The following ZFYVE1 variants were observed in gnomAD, a reference collection of about 807,000 sequenced individuals.
ZFYVE1 encodes zinc finger FYVE-type containing 1.
ZFYVE1 carries 30 observed loss-of-function variants against 74.4 expected under a neutral mutation model. The observed-to-expected ratio is 0.40, with a 90% confidence interval of 0.30 to 0.55. ZFYVE1 has a LOEUF of 0.55. ZFYVE1 is among the 20% of genes least tolerant of loss of function. The probability of loss-of-function intolerance (pLI) is 0.42; values close to 1 mark genes in which losing one functional copy is unlikely to be tolerated. For synonymous variants in ZFYVE1, 335 were observed against 385.1 expected (o/e 0.87, Z 1.52); for missense variants, 703 against 1,011.6 (o/e 0.69, Z 4.14).
chr14:73,006,709 C>CTTTTTTT (rs35364666), intron 2 of ZFYVE1, among the ~76,000 whole-genome samples: 11 of 77,642 alleles, frequency 1.4e-4, no homozygotes, highest in Non-Finnish European at 2.7e-4. Context: ...ACCCCAGTTC[C>CTTTTTTT]TTTTTTTTTT....
At position 72,969,855 on chromosome 14, in the gene ZFYVE1, A is replaced by AGTTTTT. The variant is rs1892984733; in HGVS notation, c.*1026_*1027insAAAAAC. Reference sequence around the variant, plus strand: ...TGTTGAAATATTTATATAGACTTTTAAAAACAACTAACAGTTCATCCTGTG... The same window carrying AGTTTTT: ...TGTTGAAATATTTATATAGACTTTTAGTTTTTAAAACAACTAACAGTTCATCCTGTG... On this transcript the variant is annotated 3_prime_UTR_variant, in exon 12 of 12. Coordinates refer to ENST00000556143, the MANE Select transcript of ZFYVE1 (RefSeq NM_021260.4). 7 of 646,796 alleles carry AGTTTTT rather than the reference A, an allele frequency of 1.1e-5. No individual in the cohort carries two copies. In the East Asian group the frequency reaches 1.9e-4, roughly 18 times the overall value. 40.1% of individuals were successfully genotyped at this position (646,796 alleles called of 1,614,324 possible).
At position 72,975,911 on chromosome 14, in the gene ZFYVE1, G is replaced by GA. The variant is rs201304091; in HGVS notation, c.1636-191_1636-190insT. ...CTTCAAAGTGACCATAAGACTTGATGTGTAGCTGTTCAATTCAGGACTTAC... is the reference window on the plus strand; with the variant it reads ...CTTCAAAGTGACCATAAGACTTGATGATGTAGCTGTTCAATTCAGGACTTAC... On this transcript the variant is annotated intron_variant, in intron 8 of 11. Coordinates refer to ENST00000556143, the MANE Select transcript of ZFYVE1 (RefSeq NM_021260.4). This position sits in a 1 kb window ranked among gnomAD's most constrained non-coding sequence, Gnocchi z 4.1. The GA allele has an allele frequency of 1.5e-6, 1 of 648,982 alleles. No individual in the cohort carries two copies. Among genetic ancestry groups the GA allele is most frequent in the Non-Finnish European group, 2.6e-6 (1 of 388,974 alleles). 40.2% of individuals were successfully genotyped at this position (648,982 alleles called of 1,614,324 possible).
In ZFYVE1 at chr14:72,994,322, CAAAAAAAAAA is replaced by C. The variant is rs71109776; in HGVS notation, c.989-975_989-966del. On this transcript the variant is annotated intron_variant, in intron 3 of 11. Coordinates refer to ENST00000556143, the MANE Select transcript of ZFYVE1 (RefSeq NM_021260.4). ...TGGGAGACAGAGCGAGACGCTGTCTCAAAAAAAAAAAAAAAAAAAAAAAAAAAGTAAGATA... is the reference window on the plus strand; with the variant it reads ...TGGGAGACAGAGCGAGACGCTGTCTCAAAAAAAAAAAAAAAAAGTAAGATA... Among the ~76,000 whole-genome samples the C allele has an allele frequency of 4.5e-3, 140 of 31,138 alleles. 2 individuals are homozygous for C. Among genetic ancestry groups the C allele is most frequent in the Non-Finnish European group, 6.2e-3 (109 of 17,686 alleles). The allele number at this position is 31,138 out of a possible 152,430, so 20.4% of individuals were successfully genotyped here. A position where few individuals can be genotyped will look rare whatever the true frequency, so the allele number is the denominator to read the frequency against.
At chr14:73,003,946 A>G (rs574997633) in intron 2 of ZFYVE1, among the ~76,000 whole-genome samples, 2 of 152,280 alleles carry the variant, frequency 1.3e-5, no homozygotes, top group Admixed American at 1.3e-4. Context: ...TGAGTGAATG[A>G]GTGAGTGAAT....
chr14:73,024,819 G>A lies in ZFYVE1; in HGVS notation c.-311C>T. 3.5e-6 allele frequency: 1 copy of A among 287,486 alleles called. No individual in the cohort carries two copies. Among genetic ancestry groups the A allele is most frequent in the Non-Finnish European group, 6.5e-6 (1 of 153,814 alleles). The allele number at this position is 287,486 out of a possible 1,614,324, so 17.8% of individuals were successfully genotyped here. On this transcript the variant is annotated 5_prime_UTR_variant, in exon 2 of 12. Transcript: ENST00000556143. ...GGTCTTTTATGGCTATCTGAGAGAGGTCTGATGGGTTCACGGTGGTGGGTT... is the reference window on the plus strand; with the variant it reads ...GGTCTTTTATGGCTATCTGAGAGAGATCTGATGGGTTCACGGTGGTGGGTT...
rs764363560 is a variant in ZFYVE1, at chr14:73,024,796, T to TC, written c.-289dup. The TC allele has an allele frequency of 3.0e-5, 10 of 337,800 alleles. No homozygotes were observed. The highest frequency in any genetic ancestry group is 4.8e-5 in the Non-Finnish European group (9 of 186,632). 20.9% of individuals were successfully genotyped at this position (337,800 alleles called of 1,614,324 possible). A position where few individuals can be genotyped will look rare whatever the true frequency, so the allele number is the denominator to read the frequency against. ...TGTGGTCAAAATTGACTTGGAAGGG[T>TC]CTTTTATGGCTATCTGAGAGAGGTC... On this transcript the variant is annotated 5_prime_UTR_variant, in exon 2 of 12. Coordinates refer to ENST00000556143, the MANE Select transcript of ZFYVE1 (RefSeq NM_021260.4).
chr14:72,996,418 C>G (rs980575488), intron 3 of ZFYVE1, among the ~76,000 whole-genome samples: 1 of 152,020 alleles, frequency 6.6e-6, no homozygotes, highest in Non-Finnish European at 1.5e-5. Flanking sequence ...TTTTTTGAGA[C>G]AGGGTCTCAC....
chr14:73,021,256 G>A (rs748326694), intron 2 of ZFYVE1, among the ~76,000 whole-genome samples: 1 of 152,104 alleles, frequency 6.6e-6, no homozygotes, highest in East Asian at 1.9e-4. Context: ...GCTGAGGCAG[G>A]AGAATCGCTT....
intron 2 of ZFYVE1, among the ~76,000 whole-genome samples, chr14:73,017,453 T>C (rs1310626384): frequency 6.6e-6 from 1 of 152,244 alleles, no homozygotes; most frequent in Admixed American, 6.5e-5. Context: ...TCGCTCCTGA[T>C]TGACAACCAC....
chr14:72,971,400 G>A (rs550973529), intron 11 of ZFYVE1, among the ~76,000 whole-genome samples: 3 of 152,104 alleles, frequency 2.0e-5, no homozygotes, highest in South Asian at 2.1e-4. Flanking sequence ...GCAGTATCAC[G>A]ATTTCGGCTC....
At chr14:72,979,531 G>A (rs1343608639) in intron 5 of ZFYVE1, among the ~76,000 whole-genome samples, 1 of 151,562 alleles carries the variant, frequency 6.6e-6, no homozygotes. Flanking sequence ...GCTCATGCCT[G>A]TAATCCCAGC....
intron 2 of ZFYVE1, among the ~76,000 whole-genome samples, chr14:73,014,159 T>C (rs957445678): frequency 5.9e-5 from 9 of 152,192 alleles, no homozygotes; most frequent in South Asian, 4.1e-4. Context: ...ACAGGTTCTC[T>C]AGAAAGCTGA....
At chr14:73,002,184 T>C (rs1893886761) in intron 2 of ZFYVE1, among the ~76,000 whole-genome samples, 1 of 152,048 alleles carries the variant, frequency 6.6e-6, no homozygotes, top group African/African-American at 2.4e-5. Flanking sequence ...AAAGACCACA[T>C]AGTGTACGAC....
chr14:73,006,343 G>C (rs1205732280), intron 2 of ZFYVE1, among the ~76,000 whole-genome samples: 1 of 152,054 alleles, frequency 6.6e-6, no homozygotes, highest in African/African-American at 2.4e-5. Context: ...GGGAGGCCTA[G>C]GAAGGTTGAT....
chr14:73,025,358 C>T (rs1205797709), intron 1 of ZFYVE1, among the ~76,000 whole-genome samples: 12 of 151,818 alleles, frequency 7.9e-5, no homozygotes, highest in Non-Finnish European at 1.8e-4. Context: ...CGTGAGTCAC[C>T]GCACCTGGCC....
At chr14:73,003,478 A>C (rs1349604434) in intron 2 of ZFYVE1, among the ~76,000 whole-genome samples, 1 of 152,192 alleles carries the variant, frequency 6.6e-6, no homozygotes, top group Non-Finnish European at 1.5e-5. Context: ...TTGGGAGGCC[A>C]AGACGGGAGG....
Position 72,978,566 on chromosome 14 carries a change from C to CAA in ZFYVE1, c.1419+293_1419+294dup, listed in dbSNP as rs58858186. 7.0e-3 allele frequency among the ~76,000 whole-genome samples: 356 copies of CAA among 50,958 alleles called. 22 individuals are homozygous for CAA. The highest frequency in any genetic ancestry group is 0.014 in the African/African-American group (152 of 10,546). The allele number at this position is 50,958 out of a possible 152,430, so 33.4% of individuals were successfully genotyped here. Reference sequence around the variant, plus strand: ...TGGCTGACAGAGCAAGACTCTGTCTCAAAAAAAAAAAAAAAAAAAAAAAAA... The same window carrying CAA: ...TGGCTGACAGAGCAAGACTCTGTCTCAAAAAAAAAAAAAAAAAAAAAAAAAAA... On this transcript the variant is annotated intron_variant, in intron 6 of 11. Coordinates refer to ENST00000556143, the MANE Select transcript of ZFYVE1 (RefSeq NM_021260.4).
chr14:72,997,747 G>T, intron 3 of ZFYVE1, 64 bp downstream of exon 3: 1 of 1,509,802 alleles, frequency 6.6e-7, no homozygotes, highest in South Asian at 1.3e-5. Context: ...TGCTATTGCA[G>T]ACCAAATAGC....
At chr14:72,993,089 C>T in intron 4 of ZFYVE1, 54 bp downstream of exon 4, 1 of 1,508,512 alleles carries the variant, frequency 6.6e-7, no homozygotes, top group Non-Finnish European at 8.9e-7. Flanking sequence ...ACTGAGTGTT[C>T]TCACCACCCA....
Sources: gnomAD v4.1 joint callset for allele counts (sites outside exome capture counted in the v4.1 genomes callset) on GRCh38, gnomAD v4.1.1 for gene constraint, Gnocchi (gnomAD v3.1) non-coding constraint, MANE v1.5 for transcripts, NCBI Gene and HGNC (gene_info 2026-07-23, HGNC 2026-07-21) for gene names.